RABGAP1L: variants seen among roughly 807,000 people sequenced by gnomAD.
RABGAP1L encodes rab GTPase-activating protein 1-like.
Under a neutral mutation model 137.7 loss-of-function variants are expected in RABGAP1L, and 63 were observed. That is an observed-to-expected ratio of 0.46 (90% confidence interval 0.37 to 0.56). The LOEUF (loss-of-function observed/expected upper bound fraction) is 0.56. Ranked by LOEUF, RABGAP1L falls within the 20% of genes least tolerant of loss-of-function variation. The pLI is 0.00. For missense variants in RABGAP1L, 1,095 were observed against 1,244.0 expected, an observed-to-expected ratio of 0.88 and a Z score of 1.80; for synonymous variants, 431 against 433.7, an observed-to-expected ratio of 0.99 and a Z score of 0.08.
intron 10 of RABGAP1L, among the ~76,000 whole-genome samples, chr1:174,283,310 G>A (rs1444844499): frequency 2.0e-5 from 3 of 152,050 alleles, no homozygotes; most frequent in Non-Finnish European, 4.4e-5. Context: ...GGAGGCTGAG[G>A]TGGGAGGATT....
chr1:174,712,343 C>T (rs369724659), intron 17 of RABGAP1L, among the ~76,000 whole-genome samples: 5 of 152,156 alleles, frequency 3.3e-5, no homozygotes, highest in African/African-American at 9.7e-5. Context: ...AGACTCACTG[C>T]GAAGGTCTGC....
chr1:174,224,785 C>A (rs1230209792), intron 3 of RABGAP1L, among the ~76,000 whole-genome samples: 2 of 152,118 alleles, frequency 1.3e-5, no homozygotes, highest in Non-Finnish European at 2.9e-5. Flanking sequence ...TTTCCAGTGT[C>A]TTCTTGTCTC....
At chr1:174,393,546 A>G (rs1033688752) in intron 12 of RABGAP1L, among the ~76,000 whole-genome samples, 5 of 152,168 alleles carry the variant, frequency 3.3e-5, no homozygotes, top group African/African-American at 9.7e-5. Context: ...AGAAGTGGGT[A>G]TAGTCAAGGT....
chr1:174,559,137 A>G (rs1046404862), intron 13 of RABGAP1L, among the ~76,000 whole-genome samples: 5 of 152,192 alleles, frequency 3.3e-5, no homozygotes, highest in Non-Finnish European at 7.3e-5. Context: ...AAATGTAAAT[A>G]CCATGTGTTT....
chr1:174,662,115 T>C (rs887982288), intron 14 of RABGAP1L, among the ~76,000 whole-genome samples: 1 of 121,050 alleles, frequency 8.3e-6, no homozygotes, highest in Non-Finnish European at 1.6e-5. Flanking sequence ...TTTTTTTTTT[T>C]TTTTTTGAGT....
At chr1:174,497,574 A>G (rs1039287381) in intron 13 of RABGAP1L, among the ~76,000 whole-genome samples, 1 of 151,780 alleles carries the variant, frequency 6.6e-6, no homozygotes, top group Admixed American at 6.6e-5. Flanking sequence ...TGTTGCATGA[A>G]TTCTATTTCC....
chr1:174,619,825 A>C (rs533205318), intron 13 of RABGAP1L, among the ~76,000 whole-genome samples: 1 of 152,252 alleles, frequency 6.6e-6, no homozygotes, highest in East Asian at 1.9e-4. Flanking sequence ...AAATGCTCCA[A>C]TTAAAAGACA....
At chr1:174,800,610 C>T (rs1027671030) in intron 18 of RABGAP1L, 1 of 1,440,300 alleles carries the variant, frequency 6.9e-7, no homozygotes, top group Non-Finnish European at 9.2e-7. Context: ...TCTCCTTCTC[C>T]CCATTCTGCC....
At chr1:174,731,415 A>G (rs1425496538) in intron 17 of RABGAP1L, among the ~76,000 whole-genome samples, 1 of 152,244 alleles carries the variant, frequency 6.6e-6, no homozygotes, top group Non-Finnish European at 1.5e-5. Flanking sequence ...TAAGATTTCT[A>G]GAAAAGGAAC....
At chr1:174,915,661 T>G (rs1369381906) in intron 19 of RABGAP1L, among the ~76,000 whole-genome samples, 3 of 152,208 alleles carry the variant, frequency 2.0e-5, no homozygotes, top group Non-Finnish European at 2.9e-5. Context: ...TTCACCATGT[T>G]GGCCAGGATC....
chr1:174,371,735 G>T (rs1415847748), intron 12 of RABGAP1L, among the ~76,000 whole-genome samples: 1 of 152,120 alleles, frequency 6.6e-6, no homozygotes, highest in East Asian at 1.9e-4. Flanking sequence ...TCAATTTATT[G>T]TTGAATATGC....
At chr1:174,386,203 C>T (rs1429100687) in intron 12 of RABGAP1L, among the ~76,000 whole-genome samples, 1 of 152,134 alleles carries the variant, frequency 6.6e-6, no homozygotes, top group South Asian at 2.1e-4. Context: ...TACTATGTGC[C>T]AGGTTCTGTT....
chr1:174,443,378 C>T (rs183617675), intron 13 of RABGAP1L, among the ~76,000 whole-genome samples: 66 of 152,102 alleles, frequency 4.3e-4, no homozygotes, highest in Non-Finnish European at 7.8e-4. Flanking sequence ...TCCTCACCAG[C>T]GTTTGTTACT....
At chr1:174,565,959 A>G (rs746016853) in intron 13 of RABGAP1L, among the ~76,000 whole-genome samples, 4 of 145,980 alleles carry the variant, frequency 2.7e-5, no homozygotes, top group Non-Finnish European at 4.5e-5. Flanking sequence ...TACCTTGCTC[A>G]CTGCAGCCTT....
In RABGAP1L at chr1:174,377,253, C is replaced by T. The variant is rs188947963; in HGVS notation, c.1559+6181C>T. Among the ~76,000 whole-genome samples the T allele has an allele frequency of 1.2e-3, 178 of 152,148 alleles. 1 individual carries two copies. Among genetic ancestry groups the T allele is most frequent in the African/African-American group, 4.2e-3 (174 of 41,530 alleles). On this transcript the variant is annotated intron_variant, in intron 12 of 25. Coordinates refer to ENST00000681986, the MANE Select transcript of RABGAP1L (RefSeq NM_001366446.1). The stretch of plus-strand genomic sequence containing the variant: ...CTATGTTCATGGAATGAAAAAATCT[C>T]AATATTATTAAGATTTCAGTCATTC...
At chr1:174,753,097 A>G (rs545206379) in intron 18 of RABGAP1L, among the ~76,000 whole-genome samples, 7 of 152,356 alleles carry the variant, frequency 4.6e-5, no homozygotes, top group South Asian at 4.1e-4. Flanking sequence ...CAGCCCTACC[A>G]TATGACCTTA....
chr1:174,214,891 G>A (rs550766924), intron 1 of RABGAP1L, among the ~76,000 whole-genome samples: 1 of 152,144 alleles, frequency 6.6e-6, no homozygotes, highest in South Asian at 2.1e-4. Flanking sequence ...GCTACTAAGA[G>A]AAATTATTGG....
At chr1:174,612,794 C>T (rs1179255341) in intron 13 of RABGAP1L, among the ~76,000 whole-genome samples, 20 of 152,208 alleles carry the variant, frequency 1.3e-4, no homozygotes, top group South Asian at 1.0e-3. Flanking sequence ...GGAGAGTGTA[C>T]GTGTCAAGGA....
intron 17 of RABGAP1L, among the ~76,000 whole-genome samples, chr1:174,736,601 AG>A (rs1456960015): frequency 6.6e-6 from 1 of 152,246 alleles, no homozygotes; most frequent in Non-Finnish European, 1.5e-5. Context: ...TGGGGGCTCC[AG>A]CCCCACATTT....
Sources: gnomAD v4.1 joint callset for allele counts (sites outside exome capture counted in the v4.1 genomes callset) on GRCh38, gnomAD v4.1.1 for gene constraint, MANE v1.5 for transcripts, NCBI Gene and HGNC (gene_info 2026-07-23, HGNC 2026-07-21) for gene names.